TNNI2: variants seen among roughly 807,000 people sequenced by gnomAD.
TNNI2 encodes troponin I, fast skeletal muscle.
In TNNI2, 14 loss-of-function variants were observed where a neutral mutation model predicts 26.5. The ratio of observed to expected loss-of-function variants is 0.53; its 90% CI spans 0.35 to 0.83. The LOEUF (loss-of-function observed/expected upper bound fraction) is 0.83, where lower values mean the gene tolerates loss of function less well. Ranked by LOEUF, TNNI2 falls within the 40% of genes least tolerant of loss-of-function variation. The pLI, the probability that TNNI2 is intolerant of heterozygous loss-of-function variation, is 0.01. For synonymous variants in TNNI2, 126 were observed against 97.6 expected, an observed-to-expected ratio of 1.29 and a Z score of -1.71; for missense variants, 205 against 248.5, an observed-to-expected ratio of 0.82 and a Z score of 1.18.
chr11:1,839,472 A>C (rs1322966648), intron 1 of TNNI2: 4 of 576,550 alleles, frequency 6.9e-6, no homozygotes, highest in Non-Finnish European at 1.2e-5. Flanking sequence ...TTTTGGGAAC[A>C]CTTTCTCCTC....
rs770212007 is a variant in TNNI2 at position 1,841,451 on chromosome 11, C to T, written c.454-5C>T. The T allele has an allele frequency of 1.9e-6, 3 of 1,613,718 alleles. No individual in the cohort carries two copies. The highest frequency in any genetic ancestry group is 2.7e-5 in the African/African-American group (2 of 75,036). On this transcript the variant is annotated splice_region_variant and splice_polypyrimidine_tract_variant and intron_variant, in intron 7 of 7. Transcript: ENST00000381911. ...CTGAGCTCTCTCCTGCCCTCTCCTC[C>T]ACAGGAGCGGGACCTGCGAGACGTG...
rs146213665 is a variant in TNNI2 at position 1,840,872 on chromosome 11, C to T, written c.240C>T (p.Tyr80=). The T allele has an allele frequency of 5.7e-5, 92 of 1,613,360 alleles. No individual in the cohort carries two copies. The highest frequency in any genetic ancestry group is 4.9e-4 in the East Asian group (22 of 44,854). ...TCGATGCGGCTGAAGAGGAGAAGTA[C>T]GACATGGAGGTGAGGGTGCAGAAGA... ...AKIDAAEEEK[Y]DMEVRVQKTS... is the part of the protein sequence containing the mutation. Residue 80 remains tyrosine (Y), a synonymous_variant, in exon 6 of 8, where the codon TAC becomes TAT. Transcript: ENST00000381911.
At chr11:1,839,374 T>C (rs1015811814) in intron 1 of TNNI2, 3 of 473,842 alleles carry the variant, frequency 6.3e-6, no homozygotes, top group Non-Finnish European at 1.2e-5. Context: ...GGGTTAAAAA[T>C]AACAGCGTCA....
At chr11:1,839,965 C>T (rs561132928) in intron 3 of TNNI2, 110 bp downstream of exon 3, 34 of 1,514,906 alleles carry the variant, frequency 2.2e-5, no homozygotes, top group Non-Finnish European at 2.8e-5. Context: ...GATGGCCTGG[C>T]CCTCCCCGCT....
intron 1 of TNNI2, among the ~76,000 whole-genome samples, 194 bp downstream of exon 1, chr11:1,839,227 A>G (rs1847110185): frequency 6.6e-6 from 1 of 151,598 alleles, no homozygotes; most frequent in Non-Finnish European, 1.5e-5. Flanking sequence ...GGTATTAGAC[A>G]CTCCCTGACC....
chr11:1,841,270 C>T (rs1321447753), intron 7 of TNNI2, 63 bp downstream of exon 7: 5 of 1,590,446 alleles, frequency 3.1e-6, no homozygotes, highest in South Asian at 2.2e-5. Context: ...CCCACACCTG[C>T]CCCGCCTGGG....
rs1364316448 is a variant in TNNI2 at position 1,840,390 on chromosome 11, C to T, written c.16-13C>T. On this transcript the variant is annotated splice_polypyrimidine_tract_variant and intron_variant, in intron 3 of 7. Transcript: ENST00000381911. ...GGAGGCCCTGACTCGACCCCCTGTC[C>T]CCTGCCCTGCAGAAGCGGAACAGGG... 2.5e-6 allele frequency: 4 copies of T among 1,607,382 alleles called. No individual in the cohort carries two copies. The highest frequency in any genetic ancestry group is 1.7e-5 in the Admixed American group (1 of 59,298).
chr11:1,839,789 C>T, intron 2 of TNNI2, 60 bp from the exon 3 acceptor site: 3 of 1,612,574 alleles, frequency 1.9e-6, no homozygotes, highest in Non-Finnish European at 2.5e-6. Flanking sequence ...ACCCCGCCAG[C>T]CATGGCCCTA....
At chr11:1,841,324 C>T in intron 7 of TNNI2, 117 bp downstream of exon 7, 1 of 1,535,812 alleles carries the variant, frequency 6.5e-7, no homozygotes, top group East Asian at 2.3e-5. Context: ...TGTACCACTG[C>T]CCCTCCAGGG....
rs2271442 is a variant in TNNI2, at chr11:1,840,938, C to T, written c.276+30C>T. On this transcript the variant is annotated intron_variant, in intron 6 of 7. Transcript: ENST00000381911. ...GTGGTGGCGGCGGGCCGGCGGCAGG[C>T]GGGTAGGCGGTGGCCCAGCGGGCAG... The T allele has an allele frequency of 0.25, 402,219 of 1,602,912 alleles. 52,643 individuals carry two copies. The highest frequency in any genetic ancestry group is 0.26 in the Non-Finnish European group (307,485 of 1,174,858).
chr11:1,841,153 G>A lies in TNNI2; in HGVS notation c.399G>A (p.Val133=), dbSNP rs1426628207. 1.9e-6 allele frequency: 3 copies of A among 1,613,130 alleles called. No homozygotes were observed. Among genetic ancestry groups the A allele is most frequent in the East Asian group, 4.5e-5 (2 of 44,896 alleles). ...LKALLGSKHK[V]CMDLRANLKQ... ...CCCTGCTGGGCTCGAAGCACAAGGT[G>A]TGCATGGACCTGAGGGCCAACCTGA... The change falls in exon 7 of 8, where the codon GTG becomes GTA. Residue 133 remains valine, a synonymous_variant. Coordinates refer to ENST00000381911, the MANE Select transcript of TNNI2 (RefSeq NM_003282.4).
chr11:1,840,304 C>G (rs963361932), intron 3 of TNNI2, 99 bp from the exon 4 acceptor site: 2 of 1,546,114 alleles, frequency 1.3e-6, no homozygotes, highest in Non-Finnish European at 1.7e-6. Context: ...CTGCTGGTCC[C>G]GGAGCCGGAG....
rs770213642 is a variant in TNNI2 at position 1,840,629 on chromosome 11, T to C, written c.159T>C (p.His53=). 4.3e-6 allele frequency: 7 copies of C among 1,612,706 alleles called. No individual in the cohort carries two copies. In the Admixed American group the frequency reaches 1.0e-4, roughly 23 times the overall value. ...NYLAEHCPPL[H]IPGSMSEVQE... ...TGGCGGAGCACTGCCCGCCGCTGCA[T>C]ATCCCGGGCTCCATGTCTGAAGTGC... The change falls in exon 5 of 8, where the codon CAT becomes CAC. Residue 53 remains histidine, a synonymous_variant. Coordinates refer to ENST00000381911, the MANE Select transcript of TNNI2 (RefSeq NM_003282.4).
In TNNI2 at chr11:1,840,171, G is replaced by A. The variant is rs1438349535; in HGVS notation, c.16-232G>A. On this transcript the variant is annotated intron_variant, in intron 3 of 7. Coordinates refer to ENST00000381911, the MANE Select transcript of TNNI2 (RefSeq NM_003282.4). ...CTGGCCCTCCTCTCCCCCAGCCTCT[G>A]GCCTCCCAGCACCATGTGCCACCTG... The A allele has an allele frequency of 7.1e-6, 11 of 1,550,124 alleles. No individual in the cohort carries two copies. The East Asian group carries it at 2.4e-4, about 34-fold the overall frequency.
intron 3 of TNNI2, 50 bp from the exon 4 acceptor site, chr11:1,840,353 T>A: frequency 1.3e-6 from 2 of 1,575,088 alleles, no homozygotes; most frequent in Non-Finnish European, 1.7e-6. Context: ...GGGGTGGGGG[T>A]GCTCCAGGCC....
chr11:1,840,265 C>T (rs1299972024), intron 3 of TNNI2, 138 bp from the exon 4 acceptor site: 1 of 1,549,090 alleles, frequency 6.5e-7, no homozygotes. Flanking sequence ...GCCCAGCCTG[C>T]CCATCATGGC....
In TNNI2 at chr11:1,841,167, G is replaced by A. The variant is rs1419020147; in HGVS notation, c.413G>A (p.Arg138Lys). 1 of 1,613,072 alleles carries A rather than the reference G, an allele frequency of 6.2e-7. No individual in the cohort carries two copies. The highest frequency in any genetic ancestry group is 8.5e-7 in the Non-Finnish European group (1 of 1,179,980). The stretch of plus-strand genomic sequence containing the variant: ...AAGCACAAGGTGTGCATGGACCTGA[G>A]GGCCAACCTGAAGCAGGTCAAGAAG... ...GSKHKVCMDL[R>K]ANLKQVKKED... is the part of the protein sequence containing the mutation. Residue 138 changes from arginine to lysine, a missense_variant, in exon 7 of 8, where the codon AGG (arginine) becomes AAG (lysine). Physicochemically the swap from Arg to Lys is conservative, Grantham distance 26. Coordinates refer to ENST00000381911, the MANE Select transcript of TNNI2 (RefSeq NM_003282.4).
chr11:1,841,218 C>CG lies in TNNI2; in HGVS notation c.453+17dup. ...GAGGACACAGAGAAGGTGCGTGCCA[C>CG]GGGGGGAGCACCACCACACCTACCC... On this transcript the variant is annotated intron_variant, in intron 7 of 7. Coordinates refer to ENST00000381911, the MANE Select transcript of TNNI2 (RefSeq NM_003282.4). 1.2e-6 allele frequency: 2 copies of CG among 1,609,648 alleles called. No individual in the cohort carries two copies. Among genetic ancestry groups the CG allele is most frequent in the Non-Finnish European group, 1.7e-6 (2 of 1,179,822 alleles).
rs769598897 is a variant in TNNI2 at position 1,840,896 on chromosome 11, G to A, written c.264G>A (p.Lys88=). The change falls in exon 6 of 8, where the codon AAG becomes AAA. Residue 88 remains lysine, a synonymous_variant. Transcript: ENST00000381911. Reference sequence around the variant, plus strand: ...ACGACATGGAGGTGAGGGTGCAGAAGACCAGCAAGGAGGTGAGTGGTGGCG... The same window carrying A: ...ACGACATGGAGGTGAGGGTGCAGAAAACCAGCAAGGAGGTGAGTGGTGGCG... ...EKYDMEVRVQ[K]TSKELEDMNQ... 84 of 1,613,084 alleles carry A rather than the reference G, an allele frequency of 5.2e-5. No homozygotes were observed. The highest frequency in any genetic ancestry group is 3.3e-4 in the Middle Eastern group (2 of 6,046).
Sources: gnomAD v4.1 joint callset for allele counts (sites outside exome capture counted in the v4.1 genomes callset) on GRCh38, gnomAD v4.1.1 for gene constraint, MANE v1.5 for transcripts, NCBI Gene and HGNC (gene_info 2026-07-23, HGNC 2026-07-21) for gene names.